PCDHA12: variants seen among roughly 807,000 people sequenced by gnomAD.
The protein encoded by PCDHA12 is protocadherin alpha-12.
Under a neutral mutation model 60.0 loss-of-function variants are expected in PCDHA12, and 44 were observed. The ratio of observed to expected loss-of-function variants is 0.73; its 90% CI spans 0.58 to 0.94. The LOEUF is 0.94. Among genes scored for constraint, PCDHA12 ranks in the 40% least tolerant of loss-of-function variants. The probability of loss-of-function intolerance (pLI) is 0.00; values close to 1 mark genes in which losing one functional copy is unlikely to be tolerated. For synonymous variants in PCDHA12, 569 were observed against 553.0 expected (o/e 1.03, Z -0.40); for missense variants, 1,276 against 1,239.7 (o/e 1.03, Z -0.44).
intron 1 of PCDHA12, among the ~76,000 whole-genome samples, chr5:140,924,441 G>A (rs144532137): frequency 1.3e-5 from 2 of 152,274 alleles, no homozygotes; most frequent in African/African-American, 4.8e-5. Context: ...AAGAGATAAC[G>A]AATGGGTTTG....
chr5:140,927,357 C>A, intron 1 of PCDHA12: 1 of 1,614,052 alleles, frequency 6.2e-7, no homozygotes, highest in South Asian at 1.1e-5. Context: ...ACGAGGGAAG[C>A]AATGGGATAC....
At chr5:140,903,714 A>G (rs1159490924) in intron 1 of PCDHA12, among the ~76,000 whole-genome samples, 3 of 152,324 alleles carry the variant, frequency 2.0e-5, no homozygotes, top group African/African-American at 2.4e-5. Context: ...AAAATATACA[A>G]TTCTCCCTAT....
At chr5:140,994,720 A>C (rs2097647295) in intron 3 of PCDHA12, among the ~76,000 whole-genome samples, 1 of 152,160 alleles carries the variant, frequency 6.6e-6, no homozygotes. Flanking sequence ...AAAATTTAAA[A>C]TACTGGGTAT....
chr5:140,937,795 C>T (rs1472022589), intron 1 of PCDHA12, among the ~76,000 whole-genome samples: 1 of 151,670 alleles, frequency 6.6e-6, no homozygotes, highest in Non-Finnish European at 1.5e-5. Context: ...GTATGTAGTC[C>T]CAGCTACTCG....
At chr5:140,941,194 TCTTTCTTCCTTTCTTTCTTCC>T (rs1563183817) in intron 1 of PCDHA12, among the ~76,000 whole-genome samples, 5 of 112,350 alleles carry the variant, frequency 4.5e-5, no homozygotes, top group Admixed American at 9.1e-5. Flanking sequence ...TCTTTTTTTT[TCTTTCTTCCTTTCTTTCTTCC>T]TTTCTTTCTT....
intron 1 of PCDHA12, among the ~76,000 whole-genome samples, chr5:140,890,896 T>A (rs2062845405): frequency 6.6e-6 from 1 of 152,182 alleles, no homozygotes; most frequent in African/African-American, 2.4e-5. Context: ...ATTATTGTCT[T>A]TCCATGTTAG....
At position 141,010,632 on chromosome 5, in the gene PCDHA12, A is replaced by G. The variant is rs782191972; in HGVS notation, c.*695A>G. The G allele has an allele frequency of 1.6e-5, 3 of 185,902 alleles. No individual in the cohort carries two copies. Among genetic ancestry groups the G allele is most frequent in the Non-Finnish European group, 3.4e-5 (3 of 88,214 alleles). The allele number at this position is 185,902 out of a possible 1,614,324, so 11.5% of individuals were successfully genotyped here. On this transcript the variant is annotated 3_prime_UTR_variant, in exon 4 of 4. Coordinates refer to ENST00000398631, the MANE Select transcript of PCDHA12 (RefSeq NM_018903.4). ...ACCTAAAATCTGCATCATACCTGCAAGCCAACAGTTCAGTGTTTTAACAGA... is the reference window on the plus strand; with the variant it reads ...ACCTAAAATCTGCATCATACCTGCAGGCCAACAGTTCAGTGTTTTAACAGA...
intron 1 of PCDHA12, among the ~76,000 whole-genome samples, chr5:140,954,551 T>C (rs2095055563): frequency 6.6e-6 from 1 of 152,250 alleles, no homozygotes; most frequent in South Asian, 2.1e-4. Context: ...ATATGTTTGT[T>C]GGCTGCATGA....
At chr5:140,920,932 G>A (rs2079937589) in intron 1 of PCDHA12, among the ~76,000 whole-genome samples, 1 of 151,286 alleles carries the variant, frequency 6.6e-6, no homozygotes, top group Admixed American at 6.6e-5. Flanking sequence ...AGGTGATCTA[G>A]CCCTTTCATT....
chr5:140,915,634 CT>C (rs782528552), intron 1 of PCDHA12, among the ~76,000 whole-genome samples: 9 of 150,114 alleles, frequency 6.0e-5, no homozygotes, highest in Non-Finnish European at 1.3e-4. Context: ...CTGTCTCTCT[CT>C]CTCTCTCTCT....
At chr5:140,899,222 A>T (rs1377710696) in intron 1 of PCDHA12, among the ~76,000 whole-genome samples, 2 of 152,012 alleles carry the variant, frequency 1.3e-5, no homozygotes, top group Non-Finnish European at 2.9e-5. Context: ...AACTTCCAAC[A>T]CTATGTTGAA....
intron 1 of PCDHA12, chr5:140,927,385 C>T (rs781913021): frequency 1.9e-6 from 3 of 1,614,098 alleles, no homozygotes; most frequent in Non-Finnish European, 1.7e-6. Flanking sequence ...CAGCCTAAGC[C>T]CCAGTCAGCA....
Position 140,876,328 on chromosome 5 carries a change from C to A in PCDHA12, c.856C>A (p.Pro286Thr). 1 of 1,613,940 alleles carries A rather than the reference C, an allele frequency of 6.2e-7. No individual in the cohort carries two copies. The highest frequency in any genetic ancestry group is 8.5e-7 in the Non-Finnish European group (1 of 1,179,888). ...TTCCTATGGGATCAAAATGATTTTG[C>A]CAGTGAGTGAGAAATGTATGTTTTC... ...EISYGIKMIL[P>T]VSEKCMFSIN... The change falls in exon 1 of 4, where the codon CCA (proline) becomes ACA (threonine). Residue 286 changes from proline to threonine, a missense_variant. Pro to Thr is a conservative substitution (Grantham distance 38). Coordinates refer to ENST00000398631, the MANE Select transcript of PCDHA12 (RefSeq NM_018903.4).
At position 140,876,199 on chromosome 5, in the gene PCDHA12, G is replaced by A. The variant is rs1343468592; in HGVS notation, c.727G>A (p.Asp243Asn). The change falls in exon 1 of 4, where the codon GAT becomes AAT. Residue 243 changes from aspartate to asparagine, a missense_variant. Transcript: ENST00000398631. ...TGTGAATGACAATGGTCCGGCGTTT[G>A]ATAAGCCCAGCTATAAAGTAGTGTT... Reference protein sequence around the residue: ...LDVNDNGPAFDKPSYKVVLSE... With the variant: ...LDVNDNGPAFNKPSYKVVLSE... 1 of 1,613,822 alleles carries A rather than the reference G, an allele frequency of 6.2e-7. No individual in the cohort carries two copies. The highest frequency in any genetic ancestry group is 1.3e-5 in the African/African-American group (1 of 74,906).
intron 1 of PCDHA12, among the ~76,000 whole-genome samples, chr5:140,895,640 T>G (rs1554186577): frequency 6.6e-6 from 1 of 152,220 alleles, no homozygotes; most frequent in Non-Finnish European, 1.5e-5. Flanking sequence ...ACATTCTTTT[T>G]TAGCTCCCAC....
intron 1 of PCDHA12, chr5:140,966,880 C>T (rs1554228837): frequency 1.3e-6 from 2 of 1,588,288 alleles, no homozygotes; most frequent in Admixed American, 3.5e-5. Flanking sequence ...TGCTACCTGG[C>T]CCTGCGGCCT....
chr5:141,005,701 CAAAAA>C (rs59860837), intron 3 of PCDHA12, among the ~76,000 whole-genome samples: 1 of 7,786 alleles, frequency 1.3e-4, no homozygotes, highest in Non-Finnish European at 2.7e-4. Context: ...AACTCCGTCT[CAAAAA>C]AAAAAAAAAA....
intron 1 of PCDHA12, among the ~76,000 whole-genome samples, chr5:140,935,702 T>C (rs975188692): frequency 1.3e-5 from 2 of 152,152 alleles, no homozygotes; most frequent in Admixed American, 1.3e-4. Context: ...AATAAACTTA[T>C]AAAACAAAAT....
At chr5:140,965,030 C>A (rs2095870201) in intron 1 of PCDHA12, among the ~76,000 whole-genome samples, 1 of 152,166 alleles carries the variant, frequency 6.6e-6, no homozygotes, top group East Asian at 1.9e-4. Flanking sequence ...GCTCCTTTAA[C>A]TGTCCGCTCT....
Sources: gnomAD v4.1 joint callset for allele counts (sites outside exome capture counted in the v4.1 genomes callset) on GRCh38, gnomAD v4.1.1 for gene constraint, MANE v1.5 for transcripts, NCBI Gene and HGNC (gene_info 2026-07-23, HGNC 2026-07-21) for gene names.